The following MRPS5 variants were observed in gnomAD, a reference collection of about 807,000 sequenced individuals.
MRPS5 encodes the protein mitochondrial ribosomal protein S5.
A neutral mutation model predicts 51.9 loss-of-function variants in MRPS5; 27 were observed. That is an observed-to-expected ratio of 0.52 (90% CI 0.38 to 0.72). MRPS5 has a LOEUF of 0.72. MRPS5 is among the 30% of genes least tolerant of loss of function. MRPS5 has a pLI of 0.00. For missense variants in MRPS5, 570 were observed against 545.7 expected, an observed-to-expected ratio of 1.04 and a Z score of -0.44; for synonymous variants, 196 against 193.2, an observed-to-expected ratio of 1.01 and a Z score of -0.12.
rs776363761 is a variant in MRPS5, at chr2:95,121,808, C to T, written c.-17G>A. On this transcript the variant is annotated 5_prime_UTR_variant, in exon 1 of 12. Coordinates refer to ENST00000272418, the MANE Select transcript of MRPS5 (RefSeq NM_031902.5). The stretch of plus-strand genomic sequence containing the variant: ...GGTCGCCATGCTGGAGTCCGAGCCG[C>T]GCCTCGGCCTCCGCCCAGGGCAGCC... 13 of 1,534,254 alleles carry T rather than the reference C, an allele frequency of 8.5e-6. No homozygotes were observed. The highest frequency in any genetic ancestry group is 5.0e-5 in the East Asian group (2 of 39,684).
intron 1 of MRPS5, 52 bp downstream of exon 1, chr2:95,121,682 C>A: frequency 6.6e-7 from 1 of 1,511,752 alleles, no homozygotes; most frequent in Non-Finnish European, 8.8e-7. Flanking sequence ...CCAGGCGAGC[C>A]CCCCACTCCC....
rs376738624 is a variant in MRPS5, at chr2:95,110,006, C to G, written c.313G>C (p.Glu105Gln). The G allele has an allele frequency of 7.7e-5, 124 of 1,613,958 alleles. No individual in the cohort carries two copies. Among genetic ancestry groups the G allele is most frequent in the Non-Finnish European group, 9.8e-5 (116 of 1,180,014 alleles). The part of the protein sequence containing the change: ...ADELWKGALA[E>Q]TGAGAKKGRG... The stretch of plus-strand genomic sequence containing the variant: ...CCTTTTTTTGCTCCAGCACCAGTCT[C>G]TGCTAAAGCGCCTTTCCACAGCTCA... The change falls in exon 4 of 12, where the codon GAG becomes CAG. Residue 105 changes from glutamate to glutamine, a missense_variant. Transcript: ENST00000272418.
chr2:95,089,111 T>C (rs1675384098), intron 11 of MRPS5, among the ~76,000 whole-genome samples: 2 of 151,896 alleles, frequency 1.3e-5, no homozygotes, highest in East Asian at 3.9e-4. Context: ...ACAGAACAAG[T>C]CTACTGGATC....
intron 7 of MRPS5, 196 bp downstream of exon 7, chr2:95,104,444 G>A (rs1397705255): frequency 3.2e-6 from 2 of 632,388 alleles, no homozygotes; most frequent in East Asian, 2.8e-5. Context: ...GGCAAGTACA[G>A]TAGAATCTAT....
intron 10 of MRPS5, among the ~76,000 whole-genome samples, chr2:95,095,308 A>C (rs1675591708): frequency 6.6e-6 from 1 of 152,222 alleles, no homozygotes; most frequent in Admixed American, 6.5e-5. Context: ...TCCATATTAG[A>C]CAGATCAATG....
intron 1 of MRPS5, among the ~76,000 whole-genome samples, chr2:95,118,987 A>C (rs1357969247): frequency 6.6e-6 from 1 of 152,206 alleles, no homozygotes; most frequent in Admixed American, 6.5e-5. Flanking sequence ...AAAAGAAAAA[A>C]AATAGACAAA....
chr2:95,096,856 A>C (rs1558678091), intron 10 of MRPS5, among the ~76,000 whole-genome samples: 1 of 152,204 alleles, frequency 6.6e-6, no homozygotes, highest in Non-Finnish European at 1.5e-5. Flanking sequence ...ACGCAAGAGA[A>C]AGAAATAAAG....
At chr2:95,088,728 T>C (rs1385172445) in intron 11 of MRPS5, among the ~76,000 whole-genome samples, 1 of 152,212 alleles carries the variant, frequency 6.6e-6, no homozygotes, top group Non-Finnish European at 1.5e-5. Flanking sequence ...ATGGTAACTA[T>C]ATCAGAAGGT....
At chr2:95,101,248 G>A (rs1675792728) in intron 8 of MRPS5, among the ~76,000 whole-genome samples, 1 of 152,074 alleles carries the variant, frequency 6.6e-6, no homozygotes, top group South Asian at 2.1e-4. Flanking sequence ...GCCGGGTGTG[G>A]TGGTGGGCAC....
At chr2:95,099,995 T>C (rs1385252119) in intron 10 of MRPS5, among the ~76,000 whole-genome samples, 1 of 152,162 alleles carries the variant, frequency 6.6e-6, no homozygotes, top group Non-Finnish European at 1.5e-5. Flanking sequence ...CCCATGACCC[T>C]GAACTCTGCC....
At chr2:95,103,558 G>C (rs1044861959) in intron 7 of MRPS5, among the ~76,000 whole-genome samples, 1 of 152,178 alleles carries the variant, frequency 6.6e-6, no homozygotes, top group Non-Finnish European at 1.5e-5. Context: ...TAACCTTGGG[G>C]CAGCAATTTT....
At position 95,085,375 on chromosome 2, in the gene MRPS5, T is replaced by C. The variant is rs1675256053; in HGVS notation, c.*1982A>G. Among the ~76,000 whole-genome samples, 1 of 152,312 alleles carries C rather than the reference T, an allele frequency of 6.6e-6. No homozygotes were observed. Among genetic ancestry groups the C allele is most frequent in the East Asian group, 1.9e-4 (1 of 5,188 alleles). The stretch of plus-strand genomic sequence containing the variant: ...AGATAGTAAGTACAGATAATTTTGT[T>C]TCCCCTCTCCAAAGGATCATTGTCT... On this transcript the variant is annotated 3_prime_UTR_variant, in exon 12 of 12. Coordinates refer to ENST00000272418, the MANE Select transcript of MRPS5 (RefSeq NM_031902.5).
intron 3 of MRPS5, 39 bp from the exon 4 acceptor site, chr2:95,110,080 T>A (rs2104420366): frequency 6.3e-7 from 1 of 1,596,710 alleles, no homozygotes; most frequent in Non-Finnish European, 8.5e-7. Context: ...ATTCTGTAGT[T>A]TTCAAGCAAT....
chr2:95,088,280 C>A (rs924724777), intron 11 of MRPS5, among the ~76,000 whole-genome samples: 1 of 151,994 alleles, frequency 6.6e-6, no homozygotes, highest in African/African-American at 2.4e-5. Context: ...TTCGAAGATA[C>A]ATACTAAAAT....
chr2:95,119,822 G>C (rs1375945660), intron 1 of MRPS5, among the ~76,000 whole-genome samples: 1 of 152,086 alleles, frequency 6.6e-6, no homozygotes, highest in Non-Finnish European at 1.5e-5. Flanking sequence ...CAGCACTTTG[G>C]GAGGCCAAGG....
At chr2:95,109,094 A>C (rs1190687613) in intron 4 of MRPS5, among the ~76,000 whole-genome samples, 2 of 152,120 alleles carry the variant, frequency 1.3e-5, no homozygotes, top group African/African-American at 4.8e-5. Flanking sequence ...ATAGGATTGA[A>C]GAAGGTAGAA....
chr2:95,121,935 A>T (rs1309656254), upstream of MRPS5: 1 of 974,644 alleles, frequency 1.0e-6, no homozygotes, highest in African/African-American at 1.7e-5. Flanking sequence ...GGCCGGGGTG[A>T]GGGACTGTCC....
At position 95,085,640 on chromosome 2, in the gene MRPS5, C is replaced by G. The variant is rs1260275829; in HGVS notation, c.*1717G>C. On this transcript the variant is annotated 3_prime_UTR_variant, in exon 12 of 12. Coordinates refer to ENST00000272418, the MANE Select transcript of MRPS5 (RefSeq NM_031902.5). The stretch of plus-strand genomic sequence containing the variant: ...GCTCCTCCTACTTCCAGCAGAAAGG[C>G]CTCAGCAGAGGTCCCGAGGACAGCG... 6.6e-6 allele frequency among the ~76,000 whole-genome samples: 1 copy of G among 152,152 alleles called. No homozygotes were observed. Among genetic ancestry groups the G allele is most frequent in the Admixed American group, 6.5e-5 (1 of 15,274 alleles).
At chr2:95,106,090 T>C (rs1440699325) in intron 6 of MRPS5, among the ~76,000 whole-genome samples, 1 of 152,196 alleles carries the variant, frequency 6.6e-6, no homozygotes, top group Non-Finnish European at 1.5e-5. Flanking sequence ...CATAGACTGC[T>C]AGATACAGCT....
Sources: gnomAD v4.1 joint callset for allele counts (sites outside exome capture counted in the v4.1 genomes callset) on GRCh38, gnomAD v4.1.1 for gene constraint, MANE v1.5 for transcripts, NCBI Gene and HGNC (gene_info 2026-07-23, HGNC 2026-07-21) for gene names.